Variants in CNTNAP2 observed in about 807,000 individuals in gnomAD.
CNTNAP2 encodes contactin associated protein 2.
A neutral mutation model predicts 155.2 loss-of-function variants in CNTNAP2; 98 were observed. The observed-to-expected ratio is 0.63, with a 90% CI of 0.54 to 0.75. CNTNAP2 has a LOEUF of 0.75. Ranked by LOEUF, CNTNAP2 falls within the 30% of genes least tolerant of loss-of-function variation. The pLI is 0.00. For missense variants in CNTNAP2, 1,727 were observed against 1,688.1 expected, an observed-to-expected ratio of 1.02 and a Z score of -0.40; for synonymous variants, 651 against 631.2, an observed-to-expected ratio of 1.03 and a Z score of -0.47.
At chr7:146,121,495 A>C (rs1241394234) in intron 1 of CNTNAP2, among the ~76,000 whole-genome samples, 1 of 152,160 alleles carries the variant, frequency 6.6e-6, no homozygotes, top group Non-Finnish European at 1.5e-5. Context: ...CAACTTGTGC[A>C]AGTTGTCTGT....
At chr7:147,298,360 G>A (rs998237783) in intron 8 of CNTNAP2, among the ~76,000 whole-genome samples, 1 of 151,928 alleles carries the variant, frequency 6.6e-6, no homozygotes, top group African/African-American at 2.4e-5. Flanking sequence ...GGAGGCGGAG[G>A]TTGCAGTGAG....
chr7:146,644,944 C>T (rs973099438), intron 1 of CNTNAP2, among the ~76,000 whole-genome samples: 2 of 152,156 alleles, frequency 1.3e-5, no homozygotes, highest in Admixed American at 6.5e-5. Context: ...CTATTCCAGT[C>T]AGTAGAAAAA....
intron 1 of CNTNAP2, among the ~76,000 whole-genome samples, chr7:146,762,638 AGTCTGT>A (rs1300240580): frequency 6.6e-6 from 1 of 152,092 alleles, no homozygotes; most frequent in Non-Finnish European, 1.5e-5. Flanking sequence ...TCCCTGTAGT[AGTCTGT>A]TCTCACACTG....
chr7:146,366,371 A>G (rs1795155666), intron 1 of CNTNAP2, among the ~76,000 whole-genome samples: 1 of 152,144 alleles, frequency 6.6e-6, no homozygotes, highest in South Asian at 2.1e-4. Flanking sequence ...ATAAGTTATT[A>G]GAGTATTAAA....
intron 13 of CNTNAP2, among the ~76,000 whole-genome samples, chr7:147,814,390 T>C (rs894634864): frequency 1.2e-4 from 18 of 152,206 alleles, no homozygotes; most frequent in African/African-American, 4.3e-4. Flanking sequence ...TTGTTATGCA[T>C]TTGTCTCCAT....
chr7:146,971,342 A>C (rs1255332462), intron 3 of CNTNAP2, among the ~76,000 whole-genome samples: 2 of 152,224 alleles, frequency 1.3e-5, no homozygotes, highest in East Asian at 3.8e-4. Flanking sequence ...TCTATTGTGT[A>C]CTAAAAATTG....
intron 21 of CNTNAP2, among the ~76,000 whole-genome samples, chr7:148,316,094 A>G (rs1797683008): frequency 6.6e-6 from 1 of 152,196 alleles, no homozygotes; most frequent in Non-Finnish European, 1.5e-5. Flanking sequence ...ATAGATGGCA[A>G]GAACATGGCA....
At chr7:146,911,344 G>A (rs1796271502) in intron 3 of CNTNAP2, among the ~76,000 whole-genome samples, 1 of 152,044 alleles carries the variant, frequency 6.6e-6, no homozygotes, top group Non-Finnish European at 1.5e-5. Context: ...CTGCTATAAA[G>A]ACACATGCAC....
chr7:146,816,704 AG>A (rs1803177813), intron 2 of CNTNAP2, among the ~76,000 whole-genome samples: 1 of 152,162 alleles, frequency 6.6e-6, no homozygotes, highest in Non-Finnish European at 1.5e-5. Flanking sequence ...ACATGTTAGA[AG>A]CTTTGTAGTT....
intron 16 of CNTNAP2, among the ~76,000 whole-genome samples, chr7:148,120,082 T>C (rs1164113645): frequency 6.6e-6 from 1 of 151,038 alleles, no homozygotes; most frequent in African/African-American, 2.4e-5. Context: ...CAAAAGAAAA[T>C]TGCCAGTTCT....
chr7:147,819,105 A>G (rs1017891429), intron 13 of CNTNAP2, among the ~76,000 whole-genome samples: 1 of 152,210 alleles, frequency 6.6e-6, no homozygotes, highest in African/African-American at 2.4e-5. Context: ...TTTCTGGATA[A>G]AAGAAAGAGT....
chr7:147,153,574 T>G (rs1377822580), intron 8 of CNTNAP2, among the ~76,000 whole-genome samples: 1 of 152,094 alleles, frequency 6.6e-6, no homozygotes, highest in Non-Finnish European at 1.5e-5. Context: ...GGCCCAAGGA[T>G]AGGAGCCTGA....
At position 147,020,202 on chromosome 7, in the gene CNTNAP2, A is replaced by G. The variant is rs567708377; in HGVS notation, c.403-23705A>G. ...ATGAGCTATTACACTTGATGCAATC[A>G]TCACCAACATACCAGTGAAGGCTTC... On this transcript the variant is annotated intron_variant, in intron 3 of 23. Coordinates refer to ENST00000361727, the MANE Select transcript of CNTNAP2 (RefSeq NM_014141.6). Among the ~76,000 whole-genome samples the G allele has an allele frequency of 2.6e-5, 4 of 152,288 alleles. No homozygotes were observed. In the East Asian group the frequency reaches 5.8e-4, roughly 22 times the overall value.
intron 1 of CNTNAP2, among the ~76,000 whole-genome samples, chr7:146,288,106 C>A (rs868459607): frequency 1.3e-5 from 2 of 151,658 alleles, no homozygotes; most frequent in South Asian, 4.2e-4. Context: ...TTAAGACCAG[C>A]CTGGGCAACA....
At chr7:147,416,687 T>C (rs1797198978) in intron 10 of CNTNAP2, among the ~76,000 whole-genome samples, 1 of 152,226 alleles carries the variant, frequency 6.6e-6, no homozygotes, top group African/African-American at 2.4e-5. Context: ...TGCCCAGCCA[T>C]AAACCAGCCT....
At chr7:147,745,952 A>T (rs1321691998) in intron 13 of CNTNAP2, among the ~76,000 whole-genome samples, 2 of 152,036 alleles carry the variant, frequency 1.3e-5, no homozygotes, top group Non-Finnish European at 2.9e-5. Context: ...TATTCAATGA[A>T]CTTCTTTTTC....
At chr7:146,712,825 A>G (rs906089209) in intron 1 of CNTNAP2, among the ~76,000 whole-genome samples, 1 of 151,972 alleles carries the variant, frequency 6.6e-6, no homozygotes, top group African/African-American at 2.4e-5. Context: ...ATTCAAAAGT[A>G]TTTGCCATGA....
intron 14 of CNTNAP2, among the ~76,000 whole-genome samples, chr7:147,976,750 T>C (rs1205511875): frequency 6.6e-6 from 1 of 152,150 alleles, no homozygotes; most frequent in Non-Finnish European, 1.5e-5. Context: ...TCCAAGTTGG[T>C]TCCTCTCCAT....
At chr7:147,194,875 G>C (rs1371132067) in intron 8 of CNTNAP2, among the ~76,000 whole-genome samples, 1 of 152,120 alleles carries the variant, frequency 6.6e-6, no homozygotes, top group Non-Finnish European at 1.5e-5. Context: ...TAGGTTGCCT[G>C]TTCACTTTGA....
Sources: allele counts gnomAD v4.1 joint callset (sites outside exome capture counted in the v4.1 genomes callset), GRCh38; gene constraint gnomAD v4.1.1; transcripts MANE v1.5; gene names NCBI Gene and HGNC (gene_info 2026-07-23, HGNC 2026-07-21).